The following FAH variants were observed in gnomAD, a reference collection of about 807,000 sequenced individuals.
FAH encodes the protein fumarylacetoacetate hydrolase.
In FAH, 47 loss-of-function variants were observed where a neutral mutation model predicts 55.8. The ratio of observed to expected loss-of-function variants is 0.84; its 90% CI spans 0.67 to 1.07. The LOEUF (loss-of-function observed/expected upper bound fraction) is 1.07, where lower values mean the gene tolerates loss of function less well. Among genes scored for constraint, FAH ranks in the 50% least tolerant of loss-of-function variants. The probability of loss-of-function intolerance (pLI) is 0.00; values close to 1 mark genes in which losing one functional copy is unlikely to be tolerated. For missense variants in FAH, 495 were observed against 545.9 expected (o/e 0.91, Z 0.93); for synonymous variants, 199 against 207.7 (o/e 0.96, Z 0.36).
intron 4 of FAH, among the ~76,000 whole-genome samples, chr15:80,161,959 C>A (rs1426836444): frequency 6.6e-6 from 1 of 152,134 alleles, no homozygotes; most frequent in Non-Finnish European, 1.5e-5. Context: ...AAGTGGGGAG[C>A]CTGAGAAGGG....
chr15:80,172,334 GC>G (rs1406279446), intron 8 of FAH, 86 bp downstream of exon 8: 7 of 1,016,904 alleles, frequency 6.9e-6, no homozygotes, highest in Non-Finnish European at 1.1e-5. Flanking sequence ...AAGATCTGGT[GC>G]AGGTCAAAAG....
intron 6 of FAH, 41 bp from the exon 7 acceptor site, chr15:80,168,223 C>A: frequency 1.9e-6 from 3 of 1,608,752 alleles, no homozygotes. Flanking sequence ...TGTGGCCTCA[C>A]TCACAGCACC....
intron 9 of FAH, chr15:80,173,573 T>G: frequency 2.9e-6 from 1 of 348,388 alleles, no homozygotes. Flanking sequence ...CAGCCTCTGG[T>G]TCCCGGCACC....
intron 1 of FAH, chr15:80,155,967 A>G: frequency 4.2e-6 from 2 of 476,374 alleles, no homozygotes; most frequent in African/African-American, 2.0e-5. Context: ...GAAAGTGGAC[A>G]AGGAGCGTGA....
In FAH at chr15:80,162,320, G is replaced by T. The variant is rs1472576096; in HGVS notation, c.439G>T (p.Ala147Ser). 1 of 1,614,038 alleles carries T rather than the reference G, an allele frequency of 6.2e-7. No individual in the cohort carries two copies. Among genetic ancestry groups the T allele is most frequent in the South Asian group, 1.1e-5 (1 of 91,072 alleles). Reference protein sequence around the residue: ...VGIMFRDKENALMPNWLHLPV... With the variant: ...VGIMFRDKENSLMPNWLHLPV... ...AATCATGTTCAGGGACAAGGAGAAT[G>T]CGTTGATGCCAAATTGGTATGAACT... is the stretch of plus-strand genomic sequence containing the variant. Residue 147 changes from alanine to serine, a missense_variant, in exon 5 of 14, where the codon GCG (alanine) becomes TCG (serine). Transcript: ENST00000561421.
At chr15:80,166,377 G>A (rs1280942390) in intron 5 of FAH, 1 of 152,142 alleles carries the variant, frequency 6.6e-6, no homozygotes, top group East Asian at 1.9e-4. Context: ...GCCCACCTTG[G>A]CCTGCCTTAG....
At chr15:80,172,305 G>A in intron 8 of FAH, 57 bp downstream of exon 8, 5 of 1,329,106 alleles carry the variant, frequency 3.8e-6, no homozygotes, top group Non-Finnish European at 5.4e-6. Flanking sequence ...GGGGACTTGG[G>A]GCAATTTCAT....
chr15:80,160,626 C>A, intron 4 of FAH, 167 bp downstream of exon 4: 3 of 717,920 alleles, frequency 4.2e-6, no homozygotes, highest in Non-Finnish European at 7.5e-6. Context: ...CCTTTCCCAG[C>A]ATCCAGGCCC....
At chr15:80,167,680 C>T (rs568867441) in intron 5 of FAH, among the ~76,000 whole-genome samples, 14 of 152,052 alleles carry the variant, frequency 9.2e-5, no homozygotes, top group Non-Finnish European at 1.8e-4. Flanking sequence ...TACAGGCGTG[C>T]ACCACTATGC....
intron 1 of FAH, chr15:80,155,923 C>T (rs2041095160): frequency 4.2e-6 from 2 of 478,490 alleles, no homozygotes; most frequent in Non-Finnish European, 8.3e-6. Context: ...CTACTACAAA[C>T]TTCAAAGAGG....
At chr15:80,177,845 C>T (rs2041297478) in intron 11 of FAH, among the ~76,000 whole-genome samples, 1 of 152,168 alleles carries the variant, frequency 6.6e-6, no homozygotes, top group Non-Finnish European at 1.5e-5. Flanking sequence ...CTGGTTTATC[C>T]TGTCCTGCCA....
intron 5 of FAH, chr15:80,165,975 CA>C (rs893924917): frequency 1.3e-5 from 2 of 151,928 alleles, no homozygotes; most frequent in African/African-American, 2.4e-5. Flanking sequence ...TTAAAAGCAA[CA>C]AAAACAGTCA....
chr15:80,180,408 A>G, intron 12 of FAH, 183 bp downstream of exon 12: 2 of 610,520 alleles, frequency 3.3e-6, no homozygotes, highest in Non-Finnish European at 5.9e-6. Context: ...CCAAATTCAA[A>G]CCTAAAGAGA....
rs577622797 is a variant in FAH, at chr15:80,159,614, A to G, written c.193-142A>G. 2.8e-4 allele frequency: 280 copies of G among 990,560 alleles called. No homozygotes were observed. The African/African-American group carries it at 4.3e-3, about 15-fold the overall frequency. 61.4% of individuals were successfully genotyped at this position (990,560 alleles called of 1,614,324 possible). ...TCCAGGTTGATGAATAAATGACAAAACTAAGAGCAGAGGTCCTGAGAGTTT... is the reference window on the plus strand; with the variant it reads ...TCCAGGTTGATGAATAAATGACAAAGCTAAGAGCAGAGGTCCTGAGAGTTT... On this transcript the variant is annotated intron_variant, in intron 2 of 13. Transcript: ENST00000561421.
At chr15:80,181,525 C>T (rs11633719) in intron 13 of FAH, among the ~76,000 whole-genome samples, 35,922 of 151,962 alleles carry the variant, frequency 0.24, 4,440 homozygotes, top group East Asian at 0.29. Flanking sequence ...ACTGAGGCTT[C>T]GCAGCAGCCT....
chr15:80,179,069 T>A (rs932630171), intron 11 of FAH, among the ~76,000 whole-genome samples: 1 of 152,210 alleles, frequency 6.6e-6, no homozygotes, highest in Non-Finnish European at 1.5e-5. Context: ...AGAGTACACA[T>A]AGACTCAGCC....
chr15:80,153,071 T>A lies in FAH; in HGVS notation c.17T>A (p.Val6Glu), dbSNP rs765242250. ...CTCTTCAGCATGTCCTTCATCCCGG[T>A]GGCCGAGGATTCCGACTTCCCCATC... Reference protein sequence around the residue: MSFIPVAEDSDFPIHN... With the variant: MSFIPEAEDSDFPIHN... The change falls in exon 1 of 14, where the codon GTG (valine) becomes GAG (glutamate). Residue 6 changes from valine (V) to glutamate (E), a missense_variant. By Grantham distance (121) the Val-to-Glu change is moderately radical (BLOSUM62 -2). Coordinates refer to ENST00000561421, the MANE Select transcript of FAH (RefSeq NM_000137.4). The A allele has an allele frequency of 6.2e-7, 1 of 1,613,758 alleles. No homozygotes were observed. The highest frequency in any genetic ancestry group is 2.2e-5 in the East Asian group (1 of 44,842).
At chr15:80,164,397 AC>A (rs2041174792) in intron 5 of FAH, among the ~76,000 whole-genome samples, 1 of 152,172 alleles carries the variant, frequency 6.6e-6, no homozygotes, top group South Asian at 2.1e-4. Flanking sequence ...CACTCAAATA[AC>A]CAGGGACAGT....
At position 80,172,264 on chromosome 15, in the gene FAH, C is replaced by T. The variant is rs763442092; in HGVS notation, c.706+16C>T. On this transcript the variant is annotated intron_variant, in intron 8 of 13. Coordinates refer to ENST00000561421, the MANE Select transcript of FAH (RefSeq NM_000137.4). ...GACTGGAGTGGTAATTACTGGAGCT[C>T]TGCTCCTGTAGAGATGACGGGGAGG... 4.5e-6 allele frequency: 7 copies of T among 1,541,024 alleles called. No individual in the cohort carries two copies. The East Asian group carries it at 1.6e-4, about 35-fold the overall frequency.
Sources: gnomAD v4.1 joint callset for allele counts (sites outside exome capture counted in the v4.1 genomes callset) on GRCh38, gnomAD v4.1.1 for gene constraint, MANE v1.5 for transcripts, NCBI Gene and HGNC (gene_info 2026-07-23, HGNC 2026-07-21) for gene names.